Variants in CNTNAP5 observed in about 807,000 individuals in gnomAD.
CNTNAP5 encodes contactin associated protein family member 5, also known as contactin-associated protein-like 5.
In CNTNAP5, 72 loss-of-function variants were observed where a neutral mutation model predicts 150.2. The observed-to-expected ratio is 0.48, with a 90% CI of 0.40 to 0.58. The LOEUF (loss-of-function observed/expected upper bound fraction) is 0.58, where lower values mean the gene tolerates loss of function less well. Among genes scored for constraint, CNTNAP5 ranks in the 20% least tolerant of loss-of-function variants. The pLI is 0.00. For synonymous variants in CNTNAP5, 672 were observed against 619.8 expected (o/e 1.08, Z -1.25); for missense variants, 1,636 against 1,626.2 (o/e 1.01, Z -0.10).
chr2:124,612,108 G>A (rs1677396598), intron 12 of CNTNAP5, among the ~76,000 whole-genome samples: 1 of 152,002 alleles, frequency 6.6e-6, no homozygotes, highest in Admixed American at 6.6e-5. Context: ...TTAAAGTGTT[G>A]TTTTATTGTT....
At chr2:124,316,953 AC>A (rs1249390973) in intron 3 of CNTNAP5, among the ~76,000 whole-genome samples, 1 of 152,156 alleles carries the variant, frequency 6.6e-6, no homozygotes, top group Non-Finnish European at 1.5e-5. Flanking sequence ...TGAGGTAGGT[AC>A]AGCTACTCAA....
chr2:124,432,779 G>A (rs1042882793), intron 4 of CNTNAP5, among the ~76,000 whole-genome samples: 1 of 152,198 alleles, frequency 6.6e-6, no homozygotes, highest in Non-Finnish European at 1.5e-5. Context: ...TCCCTGGGCA[G>A]TAAACAACTG....
chr2:124,865,075 C>CCACA lies in CNTNAP5; in HGVS notation c.3218-217_3218-214dup, dbSNP rs149351221. Among the ~76,000 whole-genome samples the CCACA allele has an allele frequency of 2.1e-3, 310 of 149,732 alleles. 2 individuals carry two copies. The East Asian group carries it at 0.052, about 25-fold the overall frequency. ...ACTGGCATTTTGGTTTGTGATAACA[C>CCACA]CACACACACACACACACTCTCTCTC... is the stretch of plus-strand genomic sequence containing the variant. On this transcript the variant is annotated intron_variant, in intron 19 of 23. Transcript: ENST00000682447.
intron 10 of CNTNAP5, among the ~76,000 whole-genome samples, chr2:124,555,196 T>C (rs1695722217): frequency 6.6e-6 from 1 of 152,210 alleles, no homozygotes; most frequent in Non-Finnish European, 1.5e-5. Flanking sequence ...ACCTTTTTTC[T>C]CTTTCAGTAC....
chr2:124,358,763 C>T (rs1185695221), intron 3 of CNTNAP5, among the ~76,000 whole-genome samples: 6 of 151,908 alleles, frequency 3.9e-5, no homozygotes, highest in Non-Finnish European at 7.4e-5. Flanking sequence ...GTCTAAAATT[C>T]TCTTTTTTGG....
At chr2:124,835,812 A>T (rs1682816855) in intron 19 of CNTNAP5, among the ~76,000 whole-genome samples, 1 of 152,166 alleles carries the variant, frequency 6.6e-6, no homozygotes, top group African/African-American at 2.4e-5. Context: ...AAACTCACGC[A>T]GTAAAGAATG....
chr2:124,355,373 C>T (rs1358201837), intron 3 of CNTNAP5, among the ~76,000 whole-genome samples: 1 of 152,006 alleles, frequency 6.6e-6, no homozygotes, highest in Non-Finnish European at 1.5e-5. Context: ...CTTTTAGATC[C>T]TCTTTTCTTA....
chr2:124,366,291 C>G (rs1690368828), intron 3 of CNTNAP5, among the ~76,000 whole-genome samples: 1 of 152,186 alleles, frequency 6.6e-6, no homozygotes, highest in African/African-American at 2.4e-5. Context: ...TTATGAAGCA[C>G]AAAATAACGG....
At chr2:124,800,370 C>T (rs1009968118) in intron 19 of CNTNAP5, among the ~76,000 whole-genome samples, 1 of 147,976 alleles carries the variant, frequency 6.8e-6, no homozygotes, top group Non-Finnish European at 1.5e-5. Flanking sequence ...ATTGCACACA[C>T]ATATACACAC....
At chr2:124,660,984 G>A (rs563295786) in intron 13 of CNTNAP5, among the ~76,000 whole-genome samples, 25 of 150,746 alleles carry the variant, frequency 1.7e-4, no homozygotes, top group South Asian at 6.3e-4. Flanking sequence ...AAAAATTTAC[G>A]CTGTGTAGGG....
intron 17 of CNTNAP5, among the ~76,000 whole-genome samples, chr2:124,782,107 G>A (rs1390312922): frequency 1.3e-5 from 2 of 151,826 alleles, no homozygotes; most frequent in African/African-American, 4.9e-5. Context: ...GAAGCCTGCA[G>A]TTTTCCCCTT....
chr2:124,035,760 A>T (rs1681196168), intron 1 of CNTNAP5, among the ~76,000 whole-genome samples: 1 of 152,170 alleles, frequency 6.6e-6, no homozygotes, highest in Admixed American at 6.5e-5. Context: ...CCCATAGCAG[A>T]GGGCTGCATA....
intron 13 of CNTNAP5, among the ~76,000 whole-genome samples, chr2:124,713,279 TTC>T (rs1377172529): frequency 2.3e-5 from 3 of 128,318 alleles, no homozygotes; most frequent in African/African-American, 8.1e-5. Context: ...CTTTCTTTCT[TTC>T]TTTCTTTCTT....
At chr2:124,363,153 A>C (rs1272305717) in intron 3 of CNTNAP5, among the ~76,000 whole-genome samples, 2 of 152,202 alleles carry the variant, frequency 1.3e-5, no homozygotes, top group African/African-American at 4.8e-5. Flanking sequence ...CTGGCTGTTA[A>C]TTAGCACATA....
chr2:124,763,538 C>T lies in CNTNAP5; in HGVS notation c.2235-134C>T, dbSNP rs549920077. On this transcript the variant is annotated intron_variant, in intron 14 of 23. Transcript: ENST00000682447. Reference sequence around the variant, plus strand: ...TCACATACACTTAGGCGATGAAAGGCCTTCTGTTTTCCCCCTCTCTGCCCC... The same window carrying T: ...TCACATACACTTAGGCGATGAAAGGTCTTCTGTTTTCCCCCTCTCTGCCCC... The T allele has an allele frequency of 3.8e-5, 27 of 704,814 alleles. 1 individual carries two copies. The African/African-American group carries it at 4.1e-4, about 11-fold the overall frequency. 43.7% of individuals were successfully genotyped at this position (704,814 alleles called of 1,614,324 possible).
At chr2:124,268,354 A>G (rs1009781564) in intron 3 of CNTNAP5, among the ~76,000 whole-genome samples, 2 of 152,168 alleles carry the variant, frequency 1.3e-5, no homozygotes, top group African/African-American at 4.8e-5. Flanking sequence ...TGTTGTACAG[A>G]TATTATAAAT....
At chr2:124,432,745 A>G (rs1248159084) in intron 4 of CNTNAP5, among the ~76,000 whole-genome samples, 2 of 152,192 alleles carry the variant, frequency 1.3e-5, no homozygotes, top group African/African-American at 4.8e-5. Context: ...ATGACAGAAA[A>G]AGAAGCTTGG....
At chr2:124,337,567 G>T (rs1689505224) in intron 3 of CNTNAP5, among the ~76,000 whole-genome samples, 1 of 152,122 alleles carries the variant, frequency 6.6e-6, no homozygotes, top group Non-Finnish European at 1.5e-5. Context: ...GTAAGGAAGG[G>T]ATCCAGTTTC....
At chr2:124,814,145 C>A (rs2104661356) in intron 19 of CNTNAP5, among the ~76,000 whole-genome samples, 1 of 151,632 alleles carries the variant, frequency 6.6e-6, no homozygotes, top group East Asian at 1.9e-4. Flanking sequence ...CCCCACTATA[C>A]TCTCTGTCTA....
Sources: gnomAD v4.1 joint callset for allele counts (sites outside exome capture counted in the v4.1 genomes callset) on GRCh38, gnomAD v4.1.1 for gene constraint, MANE v1.5 for transcripts, NCBI Gene and HGNC (gene_info 2026-07-23, HGNC 2026-07-21) for gene names.